The following PPP2R3B variants were observed in gnomAD, a reference collection of about 807,000 sequenced individuals.
PPP2R3B encodes serine/threonine-protein phosphatase 2A regulatory subunit B'' subunit beta.
PPP2R3B carries 68 observed loss-of-function variants against 72.9 expected under a neutral mutation model. The ratio of observed to expected loss-of-function variants is 0.93; its 90% CI spans 0.77 to 1.14. The LOEUF is 1.14. PPP2R3B is among the 50% of genes most tolerant of loss of function. The pLI is 0.00. For missense variants in PPP2R3B, 1,018 were observed against 842.0 expected (o/e 1.21, Z -2.59); for synonymous variants, 466 against 375.8 (o/e 1.24, Z -2.78).
intron 1 of PPP2R3B, among the ~76,000 whole-genome samples, chrX:361,935 C>T (rs1467833703): frequency 1.3e-5 from 2 of 152,186 alleles, no homozygotes; most frequent in African/African-American, 4.8e-5. Flanking sequence ...CCATGAGCCA[C>T]ACCACTGACC....
chrX:369,698 C>T (rs1208320621), intron 1 of PPP2R3B, among the ~76,000 whole-genome samples: 1 of 152,214 alleles, frequency 6.6e-6, no homozygotes, highest in Non-Finnish European at 1.5e-5. Context: ...GCAGGCAGGG[C>T]GCGGTGACCA....
chrX:360,704 C>T (rs1461112468), intron 2 of PPP2R3B, among the ~76,000 whole-genome samples: 5 of 152,146 alleles, frequency 3.3e-5, no homozygotes, highest in East Asian at 1.9e-4. Flanking sequence ...CACTGGCCAG[C>T]GACTCCACCT....
chrX:375,608 G>A (rs1200674490), intron 1 of PPP2R3B, among the ~76,000 whole-genome samples: 2 of 152,038 alleles, frequency 1.3e-5, no homozygotes, highest in South Asian at 2.1e-4. Flanking sequence ...GATGTGGGGC[G>A]CAAACTCACA....
At chrX:369,710 C>A (rs2071814424) in intron 1 of PPP2R3B, among the ~76,000 whole-genome samples, 2 of 152,244 alleles carry the variant, frequency 1.3e-5, no homozygotes, top group Non-Finnish European at 2.9e-5. Context: ...CGGTGACCAG[C>A]AGAAATGACC....
At chrX:378,561 G>A (rs1672739615) in intron 1 of PPP2R3B, among the ~76,000 whole-genome samples, 1 of 152,202 alleles carries the variant, frequency 6.6e-6, no homozygotes, top group African/African-American at 2.4e-5. Flanking sequence ...TCACCCTGCA[G>A]GTGCCGTCTG....
At chrX:373,239 AC>A (rs1225672327) in intron 1 of PPP2R3B, among the ~76,000 whole-genome samples, 5 of 152,136 alleles carry the variant, frequency 3.3e-5, no homozygotes, top group African/African-American at 1.2e-4. Context: ...GCGCGCACTC[AC>A]AGCCAAAACT....
intron 8 of PPP2R3B, 95 bp from the exon 9 acceptor site, chrX:341,491 C>CCCT (rs1482049763): frequency 7.6e-7 from 1 of 1,309,096 alleles, no homozygotes; most frequent in Non-Finnish European, 1.1e-6. Context: ...TGAGGGGAGC[C>CCCT]CCCCGGGCCC....
At position 366,947 on chromosome X, in the gene PPP2R3B, A is replaced by C. The variant is rs113130935; in HGVS notation, c.325-5357T>G. The stretch of plus-strand genomic sequence containing the variant: ...AGAGGCTGAGGCAGGAGAATCGCTT[A>C]AACCCGGGAGGCGGAGGGTGCGGTG... On this transcript the variant is annotated intron_variant, in intron 1 of 12. Coordinates refer to ENST00000390665, the MANE Select transcript of PPP2R3B (RefSeq NM_013239.5). Among the ~76,000 whole-genome samples the C allele has an allele frequency of 3.2e-3, 463 of 146,894 alleles. 5 individuals carry two copies. The highest frequency in any genetic ancestry group is 9.3e-3 in the African/African-American group (357 of 38,324).
intron 2 of PPP2R3B, among the ~76,000 whole-genome samples, chrX:353,651 A>G (rs2071374090): frequency 6.6e-6 from 1 of 152,280 alleles, no homozygotes; most frequent in African/African-American, 2.4e-5. Context: ...CCAGTCCTTC[A>G]CGAGCGCAGA....
intron 1 of PPP2R3B, among the ~76,000 whole-genome samples, chrX:363,334 C>T: frequency 6.9e-6 from 1 of 145,670 alleles, no homozygotes; most frequent in African/African-American, 2.6e-5. Flanking sequence ...GTGCATCTCC[C>T]CGAGCCCACC....
At chrX:339,119 G>A (rs767924161) in intron 10 of PPP2R3B, among the ~76,000 whole-genome samples, 31 of 141,476 alleles carry the variant, frequency 2.2e-4, no homozygotes, top group African/African-American at 8.1e-4. Context: ...GGGGCCACCG[G>A]TGCCCCAAGG....
At chrX:346,576 C>G (rs1332942608) in intron 5 of PPP2R3B, 125 bp downstream of exon 5, 10 of 931,458 alleles carry the variant, frequency 1.1e-5, no homozygotes, top group Non-Finnish European at 3.2e-6. Flanking sequence ...AGAGCGCGGC[C>G]GCCTCCTCCG....
intron 5 of PPP2R3B, 194 bp from the exon 6 acceptor site, chrX:346,454 C>T (rs1256133542): frequency 6.3e-6 from 4 of 639,632 alleles, no homozygotes; most frequent in Admixed American, 3.1e-5. Flanking sequence ...AGGGTCTGGC[C>T]GGGGACGCCC....
At chrX:353,189 C>T (rs184693592) in intron 2 of PPP2R3B, among the ~76,000 whole-genome samples, 1,626 of 152,138 alleles carry the variant, frequency 0.011, 37 homozygotes, top group African/African-American at 0.035. Context: ...GCATGGCCAA[C>T]ATGGTGAAAC....
At chrX:341,012 G>GC (rs1344841729) in intron 9 of PPP2R3B, 72 bp from the exon 10 acceptor site, 1 of 1,555,930 alleles carries the variant, frequency 6.4e-7, no homozygotes, top group Non-Finnish European at 8.7e-7. Flanking sequence ...CCCTGAGGCA[G>GC]CCCCCACCGG....
At chrX:346,573 G>A (rs1235441293) in intron 5 of PPP2R3B, 128 bp downstream of exon 5, 2 of 901,790 alleles carry the variant, frequency 2.2e-6, no homozygotes, top group African/African-American at 1.7e-5. Flanking sequence ...CCCAGAGCGC[G>A]GCCGCCTCCT....
intron 1 of PPP2R3B, among the ~76,000 whole-genome samples, chrX:380,926 G>C (rs1233577175): frequency 3.3e-5 from 5 of 151,032 alleles, no homozygotes; most frequent in Admixed American, 6.6e-5. Context: ...CATCGATACT[G>C]GCGTTTTCTT....
At position 361,553 on chromosome X, in the gene PPP2R3B, G is replaced by T; in HGVS notation, c.362C>A (p.Thr121Lys). Residue 121 changes from threonine to lysine, a missense_variant, in exon 2 of 13, where the codon ACG (threonine) becomes AAG (lysine). Coordinates refer to ENST00000390665, the MANE Select transcript of PPP2R3B (RefSeq NM_013239.5). ...TRKEEPLPPA[T>K]SQSIPTFYFP... The stretch of plus-strand genomic sequence containing the variant: ...GTAGAAGGTCGGAATGCTTTGGCTC[G>T]TGGCCGGGGGCAGAGGCTCTTCTTT... The T allele has an allele frequency of 6.2e-7, 1 of 1,613,994 alleles. No individual in the cohort carries two copies. The highest frequency in any genetic ancestry group is 8.5e-7 in the Non-Finnish European group (1 of 1,179,850).
intron 2 of PPP2R3B, among the ~76,000 whole-genome samples, chrX:349,270 C>A (rs964976115): frequency 6.6e-6 from 1 of 152,056 alleles, no homozygotes; most frequent in African/African-American, 2.4e-5. Flanking sequence ...GGGAAGGCGC[C>A]GTCGATGAAC....
Sources: gnomAD v4.1 joint callset for allele counts (sites outside exome capture counted in the v4.1 genomes callset) on GRCh38, gnomAD v4.1.1 for gene constraint, MANE v1.5 for transcripts, NCBI Gene and HGNC (gene_info 2026-07-23, HGNC 2026-07-21) for gene names.